UGT3A2: variants seen among roughly 807,000 people sequenced by gnomAD.
The protein encoded by UGT3A2 is UDP-glycosyltransferase 3A2.
Under a neutral mutation model 39.8 loss-of-function variants are expected in UGT3A2, and 32 were observed. The observed-to-expected ratio is 0.80, with a 90% CI of 0.61 to 1.08. The LOEUF (loss-of-function observed/expected upper bound fraction) is 1.08, where lower values mean the gene tolerates loss of function less well. Ranked by LOEUF, UGT3A2 falls within the 50% of genes least tolerant of loss-of-function variation. The pLI is 0.00. For synonymous variants in UGT3A2, 241 were observed against 230.7 expected (o/e 1.04, Z -0.40); for missense variants, 611 against 637.1 (o/e 0.96, Z 0.44).
intron 3 of UGT3A2, among the ~76,000 whole-genome samples, chr5:36,050,114 A>G (rs1419847288): frequency 6.7e-6 from 1 of 149,552 alleles, no homozygotes; most frequent in Non-Finnish European, 1.5e-5. Context: ...TACATATTTT[A>G]TATATTATTT....
intron 2 of UGT3A2, among the ~76,000 whole-genome samples, chr5:36,052,347 T>C (rs1742370559): frequency 6.6e-6 from 1 of 152,250 alleles, no homozygotes; most frequent in Non-Finnish European, 1.5e-5. Flanking sequence ...AAGTGATACA[T>C]GCAAATAATT....
chr5:36,049,142 A>G lies in UGT3A2; in HGVS notation c.590T>C (p.Phe197Ser), dbSNP rs200492917. The G allele has an allele frequency of 1.3e-4, 217 of 1,614,088 alleles. 1 individual carries two copies. Among genetic ancestry groups the G allele is most frequent in the Non-Finnish European group, 1.7e-4 (203 of 1,180,048 alleles). The change falls in exon 4 of 7, where the codon TTC becomes TCC. Residue 197 changes from phenylalanine (F) to serine (S), a missense_variant. Physicochemically the swap from Phe to Ser is radical, Grantham distance 155 (BLOSUM62 -2). Transcript: ENST00000282507. Reference protein sequence around the residue: ...FRSLLTDHMDFWGRVKNFLMF... With the variant: ...FRSLLTDHMDSWGRVKNFLMF... The stretch of plus-strand genomic sequence containing the variant: ...CAGAAAATTCTTCACTCGGCCCCAG[A>G]AGTCCATGTGATCAGTCAGCAAGGA...
chr5:36,036,949 C>A (rs1442480862), intron 6 of UGT3A2, among the ~76,000 whole-genome samples: 1 of 152,184 alleles, frequency 6.6e-6, no homozygotes, highest in African/African-American at 2.4e-5. Context: ...GTCACTGGGC[C>A]CCTTCTATTG....
chr5:36,045,071 T>C (rs1213364923), intron 4 of UGT3A2, among the ~76,000 whole-genome samples: 1 of 152,184 alleles, frequency 6.6e-6, no homozygotes, highest in Non-Finnish European at 1.5e-5. Flanking sequence ...TCACATTACC[T>C]GACTTCAAGT....
At chr5:36,046,133 G>A (rs1742158917) in intron 4 of UGT3A2, among the ~76,000 whole-genome samples, 2 of 152,190 alleles carry the variant, frequency 1.3e-5, no homozygotes, top group Admixed American at 1.3e-4. Flanking sequence ...CAAGGATGTG[G>A]AGAAAGCAAA....
At chr5:36,061,757 G>A (rs1742712185) in intron 2 of UGT3A2, among the ~76,000 whole-genome samples, 1 of 152,010 alleles carries the variant, frequency 6.6e-6, no homozygotes, top group Non-Finnish European at 1.5e-5. Context: ...TATACACCCA[G>A]TAATGGGATG....
intron 2 of UGT3A2, among the ~76,000 whole-genome samples, chr5:36,053,317 AT>A (rs1742407116): frequency 6.6e-6 from 1 of 152,206 alleles, no homozygotes; most frequent in African/African-American, 2.4e-5. Flanking sequence ...CCCCAATACT[AT>A]TAAGAAACAA....
chr5:36,054,219 G>T (rs1288098203), intron 2 of UGT3A2, among the ~76,000 whole-genome samples: 1 of 152,134 alleles, frequency 6.6e-6, no homozygotes, highest in African/African-American at 2.4e-5. Flanking sequence ...TAGTCTCCCT[G>T]TCTCAAAATC....
At chr5:36,056,976 C>A (rs1167988377) in intron 2 of UGT3A2, among the ~76,000 whole-genome samples, 2 of 152,180 alleles carry the variant, frequency 1.3e-5, no homozygotes, top group Non-Finnish European at 2.9e-5. Context: ...TAGCAGAGTT[C>A]TTAGAATCTC....
chr5:36,037,819 T>G lies in UGT3A2; in HGVS notation c.1273A>C (p.Lys425Gln). 6.2e-7 allele frequency: 1 copy of G among 1,614,214 alleles called. No individual in the cohort carries two copies. The highest frequency in any genetic ancestry group is 1.1e-5 in the South Asian group (1 of 91,076). The change falls in exon 6 of 7, where the codon AAA becomes CAA. Residue 425 changes from lysine (K) to glutamine (Q), a missense_variant. Coordinates refer to ENST00000282507, the MANE Select transcript of UGT3A2 (RefSeq NM_174914.4). ...TACCTCTTGTCTTCCATGATTTGTTTCATCTTAAGAGCCAATGTCTCTGCC... is the reference window on the plus strand; with the variant it reads ...TACCTCTTGTCTTCCATGATTTGTTGCATCTTAAGAGCCAATGTCTCTGCC... ...LKAETLALKM[K>Q]QIMEDKRYKS...
At chr5:36,061,640 T>C (rs1439568061) in intron 2 of UGT3A2, among the ~76,000 whole-genome samples, 3 of 150,192 alleles carry the variant, frequency 2.0e-5, no homozygotes, top group Non-Finnish European at 2.9e-5. Context: ...CAGTCTATCA[T>C]TGTTGGACAT....
At chr5:36,056,204 G>A (rs933348314) in intron 2 of UGT3A2, among the ~76,000 whole-genome samples, 2 of 152,194 alleles carry the variant, frequency 1.3e-5, no homozygotes, top group African/African-American at 4.8e-5. Flanking sequence ...AATAACTGCA[G>A]AAAGTGCTGG....
At chr5:36,044,209 A>T (rs1487289511) in intron 4 of UGT3A2, among the ~76,000 whole-genome samples, 1 of 152,182 alleles carries the variant, frequency 6.6e-6, no homozygotes, top group African/African-American at 2.4e-5. Context: ...AATGTGATTC[A>T]TCATATCAAC....
intron 2 of UGT3A2, among the ~76,000 whole-genome samples, chr5:36,057,160 G>A (rs1441948531): frequency 6.6e-6 from 1 of 152,228 alleles, no homozygotes; most frequent in Non-Finnish European, 1.5e-5. Flanking sequence ...CAGTGCCTCT[G>A]ATGTCATTTA....
intron 2 of UGT3A2, among the ~76,000 whole-genome samples, chr5:36,055,229 GT>G (rs376518437): frequency 1.0e-3 from 25 of 25,106 alleles, no homozygotes; most frequent in African/African-American, 1.5e-3. Context: ...TCTGCAGTTT[GT>G]TTTTTTTTTT....
Position 36,035,712 on chromosome 5 carries a change from C to T in UGT3A2, c.1558G>A (p.Val520Met), listed in dbSNP as rs759732572. The change falls in exon 7 of 7, where the codon GTG becomes ATG. Residue 520 changes from valine (V) to methionine (M), a missense_variant. Transcript: ENST00000282507. ...AVWWLRGARK[V>M]KET ...TGCACCTGGCCTTATGTCTCCTTCA[C>T]CTTTCTGGCCCCACGCAGCCACCAG... The T allele has an allele frequency of 3.7e-6, 6 of 1,614,126 alleles. No homozygotes were observed. The East Asian group carries it at 1.3e-4, about 36-fold the overall frequency.
chr5:36,049,478 A>G, intron 3 of UGT3A2, 58 bp from the exon 4 acceptor site: 1 of 1,330,470 alleles, frequency 7.5e-7, no homozygotes, highest in Non-Finnish European at 1.0e-6. Flanking sequence ...ACAGTACATA[A>G]AAGTATCTTG....
chr5:36,047,906 C>G (rs1398269550), intron 4 of UGT3A2, among the ~76,000 whole-genome samples: 4 of 152,204 alleles, frequency 2.6e-5, no homozygotes, highest in Non-Finnish European at 5.9e-5. Context: ...GGGACCCCTG[C>G]TCCCCAACCT....
At chr5:36,037,074 C>T (rs1164820487) in intron 6 of UGT3A2, among the ~76,000 whole-genome samples, 1 of 152,148 alleles carries the variant, frequency 6.6e-6, no homozygotes, top group Non-Finnish European at 1.5e-5. Flanking sequence ...AGCTAACTCT[C>T]CACTCTCTGG....
Sources: gnomAD v4.1 joint callset for allele counts (sites outside exome capture counted in the v4.1 genomes callset) on GRCh38, gnomAD v4.1.1 for gene constraint, MANE v1.5 for transcripts, NCBI Gene and HGNC (gene_info 2026-07-23, HGNC 2026-07-21) for gene names.